PLCB1: variants seen among roughly 807,000 people sequenced by gnomAD.
The protein encoded by PLCB1 is 1-phosphatidylinositol 4,5-bisphosphate phosphodiesterase beta-1.
Under a neutral mutation model 161.8 loss-of-function variants are expected in PLCB1, and 46 were observed. The observed-to-expected ratio is 0.28, with a 90% CI of 0.22 to 0.36. The LOEUF is 0.36. Among genes scored for constraint, PLCB1 ranks in the 10% least tolerant of loss-of-function variants. PLCB1 has a pLI of 1.00. For missense variants in PLCB1, 1,016 were observed against 1,472.5 expected, an observed-to-expected ratio of 0.69 and a Z score of 5.07; for synonymous variants, 517 against 503.7, an observed-to-expected ratio of 1.03 and a Z score of -0.35.
intron 4 of PLCB1, chr20:8,628,687 C>G (rs1246767084): frequency 8.4e-6 from 3 of 355,202 alleles, no homozygotes; most frequent in African/African-American, 6.2e-5. Context: ...ATAATCCCAG[C>G]ACTTTGGGAG....
intron 3 of PLCB1, among the ~76,000 whole-genome samples, chr20:8,520,370 A>G (rs777515593): frequency 4.6e-5 from 7 of 152,316 alleles, no homozygotes; most frequent in Non-Finnish European, 8.8e-5. Flanking sequence ...GAGTTTGGAT[A>G]TATCATAGAA....
intron 10 of PLCB1, among the ~76,000 whole-genome samples, chr20:8,685,438 C>T (rs1006454475): frequency 6.6e-6 from 1 of 151,968 alleles, no homozygotes; most frequent in South Asian, 2.1e-4. Flanking sequence ...ATGACAGCTC[C>T]GAAGTTCTTA....
chr20:8,631,755 C>G (rs1959374875), intron 4 of PLCB1, among the ~76,000 whole-genome samples: 1 of 152,128 alleles, frequency 6.6e-6, no homozygotes, highest in Admixed American at 6.6e-5. Context: ...AGATTGGATC[C>G]TATTCTTAAC....
chr20:8,321,230 A>G (rs1036311458), intron 2 of PLCB1, among the ~76,000 whole-genome samples: 2 of 152,210 alleles, frequency 1.3e-5, no homozygotes, highest in Admixed American at 6.5e-5. Flanking sequence ...TTGTTTGCAT[A>G]GGTTTATACA....
At chr20:8,286,745 A>G (rs1983139981) in intron 2 of PLCB1, among the ~76,000 whole-genome samples, 1 of 152,140 alleles carries the variant, frequency 6.6e-6, no homozygotes, top group South Asian at 2.1e-4. Flanking sequence ...AAACACAGGG[A>G]TTTATTTGCC....
intron 2 of PLCB1, among the ~76,000 whole-genome samples, chr20:8,276,338 T>A (rs1261108579): frequency 6.6e-6 from 1 of 152,220 alleles, no homozygotes; most frequent in Non-Finnish European, 1.5e-5. Context: ...GTTATTCACA[T>A]GTGAGAATAA....
chr20:8,698,704 T>C (rs764518128), intron 11 of PLCB1, among the ~76,000 whole-genome samples: 1 of 152,020 alleles, frequency 6.6e-6, no homozygotes, highest in Non-Finnish European at 1.5e-5. Flanking sequence ...AGTAGGTGAT[T>C]TGGGGGACGG....
intron 3 of PLCB1, among the ~76,000 whole-genome samples, chr20:8,425,294 T>G (rs1051651826): frequency 2.0e-5 from 3 of 152,192 alleles, no homozygotes; most frequent in African/African-American, 7.2e-5. Flanking sequence ...ACTTCCCATC[T>G]GCCGCATAGA....
intron 27 of PLCB1, among the ~76,000 whole-genome samples, chr20:8,784,632 G>A (rs4816085): frequency 0.081 from 12,253 of 151,412 alleles, 593 homozygotes; most frequent in South Asian, 0.18. Flanking sequence ...GGAGATGAAG[G>A]CAAACTGAGT....
intron 26 of PLCB1, among the ~76,000 whole-genome samples, chr20:8,768,549 T>C (rs538577250): frequency 6.6e-6 from 1 of 152,352 alleles, no homozygotes; most frequent in Admixed American, 6.5e-5. Context: ...ACCCAGTACA[T>C]GTGCTAATCA....
chr20:8,296,619 C>T (rs1344124388), intron 2 of PLCB1, among the ~76,000 whole-genome samples: 1 of 152,178 alleles, frequency 6.6e-6, no homozygotes, highest in Non-Finnish European at 1.5e-5. Flanking sequence ...GGAATGTGTA[C>T]ATAGCCCTTT....
At chr20:8,305,336 A>G (rs1028912917) in intron 2 of PLCB1, among the ~76,000 whole-genome samples, 2 of 152,226 alleles carry the variant, frequency 1.3e-5, no homozygotes, top group East Asian at 1.9e-4. Context: ...ACAGTTTTTC[A>G]TATTTTCATA....
At chr20:8,225,499 G>A (rs764148354) in intron 2 of PLCB1, among the ~76,000 whole-genome samples, 8 of 152,238 alleles carry the variant, frequency 5.3e-5, no homozygotes, top group Admixed American at 4.6e-4. Flanking sequence ...ATTAGAATTC[G>A]AGATAATCTT....
intron 2 of PLCB1, among the ~76,000 whole-genome samples, chr20:8,180,083 C>T (rs1236783604): frequency 2.6e-5 from 4 of 151,922 alleles, no homozygotes; most frequent in Admixed American, 1.3e-4. Flanking sequence ...TGGTCTCGAT[C>T]TCCTGACCTC....
At chr20:8,196,086 C>G (rs73082204) in intron 2 of PLCB1, among the ~76,000 whole-genome samples, 6,797 of 152,096 alleles carry the variant, frequency 0.045, 205 homozygotes, top group Middle Eastern at 0.075. Flanking sequence ...ATCAAAAGAA[C>G]AGCATGGGGG....
chr20:8,845,168 A>G (rs1463608783), intron 31 of PLCB1, among the ~76,000 whole-genome samples: 1 of 151,370 alleles, frequency 6.6e-6, no homozygotes, highest in African/African-American at 2.4e-5. Context: ...TTTCTTCCCA[A>G]TTAAACAGAT....
chr20:8,355,233 A>G (rs999728284), intron 2 of PLCB1, among the ~76,000 whole-genome samples: 13 of 152,158 alleles, frequency 8.5e-5, no homozygotes, highest in South Asian at 4.1e-4. Context: ...CTTAAAAAAA[A>G]AAAGAAAGAA....
chr20:8,654,800 C>G (rs1989410710), intron 7 of PLCB1, among the ~76,000 whole-genome samples: 1 of 151,990 alleles, frequency 6.6e-6, no homozygotes, highest in African/African-American at 2.4e-5. Context: ...AAGAGAAAGT[C>G]TGTGAATTAG....
At chr20:8,411,007 A>G (rs1211003719) in intron 3 of PLCB1, among the ~76,000 whole-genome samples, 3 of 152,210 alleles carry the variant, frequency 2.0e-5, no homozygotes, top group Non-Finnish European at 4.4e-5. Flanking sequence ...TTAATTGTGG[A>G]CTTTTGATCT....
Sources: allele counts gnomAD v4.1 joint callset (sites outside exome capture counted in the v4.1 genomes callset), GRCh38; gene constraint gnomAD v4.1.1; transcripts MANE v1.5; gene names NCBI Gene and HGNC (gene_info 2026-07-23, HGNC 2026-07-21).